ACTR3C: variants seen among roughly 807,000 people sequenced by gnomAD.
The protein encoded by ACTR3C is actin-related protein 3C.
Under a neutral mutation model 26.3 loss-of-function variants are expected in ACTR3C, and 18 were observed. That is an observed-to-expected ratio of 0.68 (90% CI 0.47 to 1.01). ACTR3C has a LOEUF of 1.01. Ranked by LOEUF, ACTR3C falls within the 50% of genes least tolerant of loss-of-function variation. The pLI, the probability that ACTR3C is intolerant of heterozygous loss-of-function variation, is 0.00. For missense variants in ACTR3C, 184 were observed against 250.7 expected, an observed-to-expected ratio of 0.73 and a Z score of 1.80; for synonymous variants, 55 against 94.5, an observed-to-expected ratio of 0.58 and a Z score of 2.42.
the ACTR3C span, among the ~76,000 whole-genome samples, chr7:150,134,232 TA>T: frequency 0.1 from 12,672 of 125,292 alleles, 465 homozygotes; most frequent in African/African-American, 0.15. Context: ...CTATATGCAG[TA>T]AAAAAAAAAA....
At chr7:150,068,622 CAAA>C in the ACTR3C span, among the ~76,000 whole-genome samples, 1 of 141,474 alleles carries the variant, frequency 7.1e-6, no homozygotes. Flanking sequence ...ACTAAAAATA[CAAA>C]AAAAAAAAAT....
the ACTR3C span, among the ~76,000 whole-genome samples, chr7:150,204,763 G>A: frequency 6.6e-6 from 1 of 151,872 alleles, no homozygotes; most frequent in Non-Finnish European, 1.5e-5. Flanking sequence ...GGGAGGACCA[G>A]CGAGTGCAGA....
the ACTR3C span, among the ~76,000 whole-genome samples, chr7:149,911,785 A>C: frequency 6.6e-6 from 1 of 152,280 alleles, no homozygotes; most frequent in East Asian, 1.9e-4. Context: ...TATACTGGTT[A>C]AGATCATGCA....
the ACTR3C span, among the ~76,000 whole-genome samples, chr7:150,082,909 T>C: frequency 6.6e-6 from 1 of 151,478 alleles, no homozygotes; most frequent in African/African-American, 2.4e-5. Flanking sequence ...GTTTCAAGTA[T>C]TCTAATTCTT....
chr7:150,058,581 G>T, the ACTR3C span, among the ~76,000 whole-genome samples: 1 of 152,170 alleles, frequency 6.6e-6, no homozygotes, highest in Non-Finnish European at 1.5e-5. Flanking sequence ...GAACATAGTT[G>T]TGTGAGGATT....
the ACTR3C span, among the ~76,000 whole-genome samples, chr7:150,198,751 GT>G: frequency 2.2e-5 from 3 of 135,794 alleles, no homozygotes; most frequent in African/African-American, 3.2e-5. Context: ...CGGGAGGGAG[GT>G]GGGGGGGGGT....
chr7:150,162,709 A>G, the ACTR3C span, among the ~76,000 whole-genome samples: 1 of 152,230 alleles, frequency 6.6e-6, no homozygotes, highest in African/African-American at 2.4e-5. Flanking sequence ...GTTTTGATGT[A>G]TATCTACAAG....
chr7:150,183,618 GACAA>G, the ACTR3C span, among the ~76,000 whole-genome samples: 11 of 135,262 alleles, frequency 8.1e-5, no homozygotes, highest in South Asian at 4.6e-4. Context: ...AGTAAAAGGT[GACAA>G]ACATTTTTCA....
intron 1 of ACTR3C, among the ~76,000 whole-genome samples, chr7:150,318,123 G>A (rs1404083386): frequency 6.6e-6 from 1 of 152,220 alleles, no homozygotes; most frequent in Non-Finnish European, 1.5e-5. Context: ...GAAGAATAGA[G>A]TGAGGCTAAA....
At chr7:150,160,497 T>C in the ACTR3C span, among the ~76,000 whole-genome samples, 73 of 152,248 alleles carry the variant, frequency 4.8e-4, no homozygotes, top group East Asian at 5.8e-4. Flanking sequence ...TGCAACACTT[T>C]CAAAATGACA....
At chr7:150,210,114 G>C in the ACTR3C span, among the ~76,000 whole-genome samples, 1 of 152,038 alleles carries the variant, frequency 6.6e-6, no homozygotes, top group Non-Finnish European at 1.5e-5. Context: ...AAATAAGCAT[G>C]TGTAAAATGC....
the ACTR3C span, among the ~76,000 whole-genome samples, chr7:150,115,665 C>T: frequency 6.6e-6 from 1 of 152,218 alleles, no homozygotes; most frequent in African/African-American, 2.4e-5. Flanking sequence ...AAACATGGAC[C>T]TCCACTCTCA....
At chr7:150,070,613 G>T in the ACTR3C span, among the ~76,000 whole-genome samples, 1 of 151,732 alleles carries the variant, frequency 6.6e-6, no homozygotes, top group African/African-American at 2.4e-5. Context: ...GCCACGCCTG[G>T]CTAATTCTTT....
At chr7:149,906,649 C>T in the ACTR3C span, among the ~76,000 whole-genome samples, 1 of 144,818 alleles carries the variant, frequency 6.9e-6, no homozygotes, top group African/African-American at 2.6e-5. Flanking sequence ...CCAGGCTGGT[C>T]TCAAATCCCT....
the ACTR3C span, among the ~76,000 whole-genome samples, chr7:150,136,622 A>T: frequency 6.6e-6 from 1 of 152,248 alleles, no homozygotes; most frequent in East Asian, 1.9e-4. Context: ...GTGAGCTGAG[A>T]TCGCACCACT....
At chr7:150,093,075 T>C in the ACTR3C span, among the ~76,000 whole-genome samples, 6 of 151,472 alleles carry the variant, frequency 4.0e-5, no homozygotes, top group African/African-American at 1.5e-4. Context: ...AAACAAATTT[T>C]CACTCTAAGT....
the ACTR3C span, among the ~76,000 whole-genome samples, chr7:150,209,310 CAGAGAGAGAG>C: frequency 5.2e-3 from 654 of 125,496 alleles, 13 homozygotes; most frequent in African/African-American, 0.025. Flanking sequence ...GAGACAGAAA[CAGAGAGAGAG>C]AGAGAGAGAG....
chr7:150,103,183 A>C, the ACTR3C span, among the ~76,000 whole-genome samples: 1 of 152,026 alleles, frequency 6.6e-6, no homozygotes, highest in Non-Finnish European at 1.5e-5. Flanking sequence ...AGTGATCACC[A>C]GGTGAATGCC....
chr7:150,022,101 C>A, the ACTR3C span, among the ~76,000 whole-genome samples: 44 of 151,658 alleles, frequency 2.9e-4, no homozygotes, highest in Non-Finnish European at 5.6e-4. Flanking sequence ...TAGAAGTGCT[C>A]CCTTTTCACC....
Sources: allele counts gnomAD v4.1 joint callset (sites outside exome capture counted in the v4.1 genomes callset), GRCh38; gene constraint gnomAD v4.1.1; transcripts MANE v1.5; gene names NCBI Gene and HGNC (gene_info 2026-07-23, HGNC 2026-07-21).